Variants in RNGTT observed in about 807,000 individuals in gnomAD.
RNGTT encodes mRNA-capping enzyme.
In RNGTT, 33 loss-of-function variants were observed where a neutral mutation model predicts 79.3. The ratio of observed to expected loss-of-function variants is 0.42; its 90% CI spans 0.32 to 0.56. RNGTT has a LOEUF of 0.56. RNGTT is among the 20% of genes least tolerant of loss of function. RNGTT has a pLI of 0.17. For missense variants in RNGTT, 497 were observed against 739.1 expected (o/e 0.67, Z 3.80); for synonymous variants, 222 against 235.9 (o/e 0.94, Z 0.54).
At chr6:88,699,934 C>G (rs1008517040) in intron 13 of RNGTT, among the ~76,000 whole-genome samples, 5 of 152,074 alleles carry the variant, frequency 3.3e-5, no homozygotes, top group Non-Finnish European at 7.4e-5. Flanking sequence ...TGAGGAGTTA[C>G]TGTTTAATGG....
intron 14 of RNGTT, among the ~76,000 whole-genome samples, chr6:88,625,569 G>T (rs1265327468): frequency 2.0e-5 from 3 of 151,848 alleles, no homozygotes; most frequent in Admixed American, 6.6e-5. Flanking sequence ...TTTAGGAGTG[G>T]GGAAAGCAAT....
intron 14 of RNGTT, among the ~76,000 whole-genome samples, chr6:88,616,364 C>T (rs1772221180): frequency 6.6e-6 from 1 of 152,158 alleles, no homozygotes; most frequent in Non-Finnish European, 1.5e-5. Context: ...TTTGGCTATA[C>T]ACCCAGAGGC....
At chr6:88,876,493 CAAAACAGTGAG>C (rs1380067519) in intron 8 of RNGTT, among the ~76,000 whole-genome samples, 1 of 152,204 alleles carries the variant, frequency 6.6e-6, no homozygotes, top group Non-Finnish European at 1.5e-5. Context: ...CCAGCCTAGG[CAAAACAGTGAG>C]ACCCTGTCTC....
At chr6:88,959,649 A>C (rs1238659210) in intron 1 of RNGTT, among the ~76,000 whole-genome samples, 1 of 152,198 alleles carries the variant, frequency 6.6e-6, no homozygotes, top group Admixed American at 6.5e-5. Context: ...ACAAGTTCCT[A>C]ATTAGTCTCT....
chr6:88,956,009 C>T (rs1785417957), intron 1 of RNGTT, among the ~76,000 whole-genome samples: 1 of 143,654 alleles, frequency 7.0e-6, no homozygotes, highest in Non-Finnish European at 1.5e-5. Flanking sequence ...TCACTGCACT[C>T]CAGCCTGGGT....
chr6:88,641,271 G>A (rs1054970389), intron 14 of RNGTT, among the ~76,000 whole-genome samples: 10 of 151,720 alleles, frequency 6.6e-5, no homozygotes, highest in African/African-American at 9.7e-5. Flanking sequence ...CCCATGAGGC[G>A]GAGGTTGCAG....
At chr6:88,627,015 C>T (rs1478589269) in intron 14 of RNGTT, among the ~76,000 whole-genome samples, 1 of 151,898 alleles carries the variant, frequency 6.6e-6, no homozygotes, top group East Asian at 1.9e-4. Context: ...CGATATACAA[C>T]CAAGGAAAGC....
intron 2 of RNGTT, among the ~76,000 whole-genome samples, chr6:88,939,082 T>C (rs779308606): frequency 6.6e-6 from 1 of 152,250 alleles, no homozygotes; most frequent in Non-Finnish European, 1.5e-5. Flanking sequence ...TAACGCGTTG[T>C]GGAGAAGACC....
chr6:88,718,447 G>T (rs1207818258), intron 13 of RNGTT, among the ~76,000 whole-genome samples: 1 of 151,496 alleles, frequency 6.6e-6, no homozygotes, highest in African/African-American at 2.4e-5. Flanking sequence ...TTGTTACAAG[G>T]CACTAGGCTG....
chr6:88,803,893 T>C (rs989813682), intron 11 of RNGTT, among the ~76,000 whole-genome samples: 2 of 152,190 alleles, frequency 1.3e-5, no homozygotes, highest in African/African-American at 4.8e-5. Flanking sequence ...ATGAAAGTAA[T>C]TTCATTTTTT....
At chr6:88,737,496 TC>T (rs1334881025) in intron 13 of RNGTT, among the ~76,000 whole-genome samples, 2 of 151,996 alleles carry the variant, frequency 1.3e-5, no homozygotes, top group Non-Finnish European at 2.9e-5. Context: ...TGAATGTCTG[TC>T]CCCCCTCCCC....
At chr6:88,920,134 TA>T (rs1398360922) in intron 4 of RNGTT, among the ~76,000 whole-genome samples, 1 of 152,098 alleles carries the variant, frequency 6.6e-6, no homozygotes, top group African/African-American at 2.4e-5. Flanking sequence ...AAAAATTATT[TA>T]ATATAATACA....
At chr6:88,721,578 T>C (rs1459167832) in intron 13 of RNGTT, among the ~76,000 whole-genome samples, 6 of 152,086 alleles carry the variant, frequency 3.9e-5, no homozygotes, top group Non-Finnish European at 7.4e-5. Context: ...TTGCTTTCCT[T>C]ACCTGCTCAA....
intron 8 of RNGTT, among the ~76,000 whole-genome samples, chr6:88,863,684 T>C (rs1043960924): frequency 6.6e-6 from 1 of 152,156 alleles, no homozygotes; most frequent in African/African-American, 2.4e-5. Flanking sequence ...GGGCCCAGTG[T>C]CAGTTTCTAG....
intron 2 of RNGTT, among the ~76,000 whole-genome samples, chr6:88,937,997 T>C (rs751832204): frequency 1.1e-3 from 164 of 152,272 alleles, no homozygotes; most frequent in Non-Finnish European, 1.6e-3. Context: ...ACAAGAAAAA[T>C]GTGTATTCTA....
At chr6:88,652,138 G>A (rs1773819961) in intron 14 of RNGTT, among the ~76,000 whole-genome samples, 1 of 151,962 alleles carries the variant, frequency 6.6e-6, no homozygotes. Context: ...CCTGAGTACT[G>A]GAAATGCTCT....
chr6:88,938,546 T>A (rs577980638), intron 2 of RNGTT, among the ~76,000 whole-genome samples: 3 of 152,358 alleles, frequency 2.0e-5, no homozygotes, highest in African/African-American at 7.2e-5. Flanking sequence ...ATTATTAATA[T>A]GTGAAGGCTT....
At chr6:88,938,247 C>T (rs1784732376) in intron 2 of RNGTT, among the ~76,000 whole-genome samples, 2 of 152,058 alleles carry the variant, frequency 1.3e-5, no homozygotes, top group South Asian at 2.1e-4. Flanking sequence ...ATTGTTATAT[C>T]CTCTTGCCAA....
intron 14 of RNGTT, among the ~76,000 whole-genome samples, chr6:88,641,217 T>C (rs1478346771): frequency 6.6e-6 from 1 of 151,772 alleles, no homozygotes; most frequent in Non-Finnish European, 1.5e-5. Flanking sequence ...CGGGCGCCTG[T>C]AATCCCAGCT....
Sources: allele counts gnomAD v4.1 joint callset (sites outside exome capture counted in the v4.1 genomes callset), GRCh38; gene constraint gnomAD v4.1.1; transcripts MANE v1.5; gene names NCBI Gene and HGNC (gene_info 2026-07-23, HGNC 2026-07-21).